The following ABI3BP variants were observed in gnomAD, a reference collection of about 807,000 sequenced individuals.
The protein encoded by ABI3BP is ABI family member 3 binding protein, also known as target of Nesh-SH3.
ABI3BP carries 216 observed loss-of-function variants against 268.6 expected under a neutral mutation model. That is an observed-to-expected ratio of 0.80 (90% CI 0.72 to 0.90). The LOEUF (loss-of-function observed/expected upper bound fraction) is 0.90. Ranked by LOEUF, ABI3BP falls within the 40% of genes least tolerant of loss-of-function variation. The pLI is 0.00. For missense variants in ABI3BP, 2,090 were observed against 2,182.4 expected (o/e 0.96, Z 0.84); for synonymous variants, 730 against 730.0 (o/e 1.00, Z 0.00).
At chr3:100,969,865 C>CA (rs2082825159) in intron 1 of ABI3BP, among the ~76,000 whole-genome samples, 1 of 151,930 alleles carries the variant, frequency 6.6e-6, no homozygotes, top group Non-Finnish European at 1.5e-5. Context: ...GAGGAAAATG[C>CA]ATTATATACT....
intron 26 of ABI3BP, 55 bp downstream of exon 26, chr3:100,838,151 TTTCA>T: frequency 2.1e-6 from 3 of 1,462,278 alleles, no homozygotes; most frequent in Non-Finnish European, 2.8e-6. Context: ...TTGGAAACAT[TTTCA>T]GCAATGTTTC....
At chr3:100,844,086 T>G (rs1048345548) in intron 20 of ABI3BP, 1 of 982,180 alleles carries the variant, frequency 1.0e-6, no homozygotes, top group Admixed American at 6.2e-5. Context: ...TTGACAATCA[T>G]AAGGTATTAT....
chr3:100,937,632 C>G (rs1464389636), intron 1 of ABI3BP, among the ~76,000 whole-genome samples: 1 of 152,140 alleles, frequency 6.6e-6, no homozygotes, highest in East Asian at 1.9e-4. Flanking sequence ...TCTTACAGCA[C>G]CTGCAGAATT....
At chr3:100,827,434 G>A (rs536376775) in intron 34 of ABI3BP, among the ~76,000 whole-genome samples, 1 of 152,156 alleles carries the variant, frequency 6.6e-6, no homozygotes, top group African/African-American at 2.4e-5. Flanking sequence ...CACTTATCTG[G>A]TATAGTCTCA....
chr3:100,922,048 T>C (rs577083574), intron 2 of ABI3BP, among the ~76,000 whole-genome samples: 2 of 152,358 alleles, frequency 1.3e-5, no homozygotes, highest in South Asian at 4.1e-4. Flanking sequence ...CTGAAAAACA[T>C]ACCACTACCT....
chr3:100,918,195 G>A (rs530921934), intron 2 of ABI3BP, among the ~76,000 whole-genome samples: 23 of 151,880 alleles, frequency 1.5e-4, no homozygotes, highest in Non-Finnish European at 7.4e-5. Flanking sequence ...AATTTTAAAA[G>A]AGAAAAATCT....
chr3:100,901,884 C>A (rs28450002), intron 3 of ABI3BP, among the ~76,000 whole-genome samples: 1 of 151,984 alleles, frequency 6.6e-6, no homozygotes, highest in Admixed American at 6.5e-5. Context: ...CAATGGTCAG[C>A]TATATTATTT....
rs1364107541 is a variant in ABI3BP at position 100,850,730 on chromosome 3, T to C, written c.1356A>G (p.Thr452=). 6.2e-7 allele frequency: 1 copy of C among 1,612,146 alleles called. No individual in the cohort carries two copies. ...GGATAGAATCCAGAATACGATCACT[T>C]GTTGCTGTTGGAATAAATGTCAACA... ...EPEISDSYTA[T]SDRILDSIPP... is the part of the protein sequence containing the mutation. Residue 452 remains threonine, a synonymous_variant, in exon 16 of 68, where the codon ACA becomes ACG. Coordinates refer to ENST00000471714, the MANE Select transcript of ABI3BP (RefSeq NM_001375547.2).
chr3:100,893,086 G>T (rs539324931), intron 4 of ABI3BP, among the ~76,000 whole-genome samples: 2 of 152,312 alleles, frequency 1.3e-5, no homozygotes, highest in African/African-American at 4.8e-5. Context: ...GCAGGCAAAA[G>T]AAGTTGGAAG....
chr3:100,781,132 A>G (rs1377271664), intron 57 of ABI3BP, among the ~76,000 whole-genome samples: 2 of 152,218 alleles, frequency 1.3e-5, no homozygotes, highest in Non-Finnish European at 2.9e-5. Flanking sequence ...GGAATGAAAT[A>G]TTTACATTAA....
intron 1 of ABI3BP, among the ~76,000 whole-genome samples, chr3:100,977,843 T>G (rs1326368617): frequency 6.6e-6 from 1 of 152,136 alleles, no homozygotes; most frequent in Non-Finnish European, 1.5e-5. Context: ...AGAAATTACA[T>G]AAAATAAACT....
rs762559101 is a variant in ABI3BP at position 100,752,883 on chromosome 3, T to C, written c.5026A>G (p.Lys1676Glu). 69 of 1,613,582 alleles carry C rather than the reference T, an allele frequency of 4.3e-5. No homozygotes were observed. The highest frequency in any genetic ancestry group is 5.7e-5 in the Non-Finnish European group (67 of 1,179,752). ...NSDSYSECKG[K>E]QYVKRTWYKK... is the part of the protein sequence containing the mutation. ...TACCATGTCCTTTTGACATATTGTT[T>C]GCCCTTACACTCTGAGTAAGAGTCT... The change falls in exon 66 of 68, where the codon AAA (lysine) becomes GAA (glutamate). Residue 1676 changes from lysine to glutamate, a missense_variant. Physicochemically the swap from Lys to Glu is moderately conservative, Grantham distance 56. Transcript: ENST00000471714.
chr3:100,906,301 T>A (rs1242312032), intron 2 of ABI3BP, among the ~76,000 whole-genome samples: 2 of 152,356 alleles, frequency 1.3e-5, no homozygotes, highest in East Asian at 3.9e-4. Context: ...TTATTTTGCA[T>A]AAAGCATAGG....
chr3:100,814,175 G>GA (rs369963175), intron 44 of ABI3BP, among the ~76,000 whole-genome samples: 75 of 145,812 alleles, frequency 5.1e-4, no homozygotes, highest in East Asian at 3.6e-3. Context: ...ACTTTTCACA[G>GA]AAAAAAAAAA....
chr3:100,780,747 A>T (rs556484365), intron 57 of ABI3BP, among the ~76,000 whole-genome samples: 1 of 152,312 alleles, frequency 6.6e-6, no homozygotes, highest in Admixed American at 6.5e-5. Context: ...TTTGTAAATT[A>T]GCCCTGGGCA....
chr3:100,865,022 CT>C, intron 10 of ABI3BP, 115 bp from the exon 11 acceptor site: 2 of 789,460 alleles, frequency 2.5e-6, no homozygotes, highest in Non-Finnish European at 2.1e-6. Context: ...TAGCCCATTT[CT>C]TTTTGTGTTA....
At chr3:100,883,931 G>C (rs902167798) in intron 6 of ABI3BP, among the ~76,000 whole-genome samples, 3 of 152,014 alleles carry the variant, frequency 2.0e-5, no homozygotes, top group African/African-American at 4.8e-5. Context: ...TTATAATCAT[G>C]CACTTAGATC....
chr3:100,915,253 CCCTT>C (rs2058222967), intron 2 of ABI3BP, among the ~76,000 whole-genome samples: 1 of 152,114 alleles, frequency 6.6e-6, no homozygotes. Context: ...AAGTCAATCT[CCCTT>C]CCCTGCAGGT....
intron 57 of ABI3BP, among the ~76,000 whole-genome samples, chr3:100,783,094 A>G (rs971463364): frequency 7.2e-5 from 11 of 152,240 alleles, no homozygotes; most frequent in Non-Finnish European, 1.3e-4. Context: ...GCAAACAAAC[A>G]GTAAACTGGA....
Sources: gnomAD v4.1 joint callset for allele counts (sites outside exome capture counted in the v4.1 genomes callset) on GRCh38, gnomAD v4.1.1 for gene constraint, MANE v1.5 for transcripts, NCBI Gene and HGNC (gene_info 2026-07-23, HGNC 2026-07-21) for gene names.